CACNG2: variants seen among roughly 807,000 people sequenced by gnomAD.
CACNG2 encodes calcium voltage-gated channel auxiliary subunit gamma 2.
A neutral mutation model predicts 25.9 loss-of-function variants in CACNG2; 3 were observed. The ratio of observed to expected loss-of-function variants is 0.12; its 90% CI spans 0.05 to 0.30. The LOEUF (loss-of-function observed/expected upper bound fraction) is 0.30, where lower values mean the gene tolerates loss of function less well. Among genes scored for constraint, CACNG2 ranks in the 10% least tolerant of loss-of-function variants. The probability of loss-of-function intolerance (pLI) is 1.00; values close to 1 mark genes in which losing one functional copy is unlikely to be tolerated. For missense variants in CACNG2, 341 were observed against 432.5 expected (o/e 0.79, Z 1.88); for synonymous variants, 167 against 173.3 (o/e 0.96, Z 0.29).
chr22:36,626,120 A>G (rs1014846100), intron 1 of CACNG2, among the ~76,000 whole-genome samples: 4 of 152,156 alleles, frequency 2.6e-5, no homozygotes, highest in South Asian at 2.1e-4. Context: ...GGGTTTCACC[A>G]TGTTGGCCAG....
At chr22:36,568,961 C>G (rs1013264179) in intron 2 of CACNG2, among the ~76,000 whole-genome samples, 10 of 152,074 alleles carry the variant, frequency 6.6e-5, no homozygotes, top group Non-Finnish European at 1.3e-4. Context: ...TCCACAGACC[C>G]CAGGGAGGTG....
At chr22:36,679,133 T>G (rs904310704) in intron 1 of CACNG2, among the ~76,000 whole-genome samples, 1 of 149,104 alleles carries the variant, frequency 6.7e-6, no homozygotes, top group Admixed American at 6.7e-5. Flanking sequence ...TTTTGGATTT[T>G]CTCCCTTCCT....
At chr22:36,607,273 G>A (rs1466882119) in intron 1 of CACNG2, among the ~76,000 whole-genome samples, 1 of 151,908 alleles carries the variant, frequency 6.6e-6, no homozygotes, top group Non-Finnish European at 1.5e-5. Flanking sequence ...TTTGAGCCAG[G>A]GACTTGCTCT....
rs150495469 is a variant in CACNG2, at chr22:36,603,765, G to T, written c.212-16217C>A. Among the ~76,000 whole-genome samples, 1,191 of 152,272 alleles carry T rather than the reference G, an allele frequency of 7.8e-3. 6 individuals carry two copies. The highest frequency in any genetic ancestry group is 0.014 in the Middle Eastern group (4 of 294). ...CTGAATATTTTAAGCCCGCTATTAA[G>T]ATCTACTGCTCAGAAAGATTTCCAA... On this transcript the variant is annotated intron_variant, in intron 1 of 3. Transcript: ENST00000300105.
Position 36,606,548 on chromosome 22 carries a change from A to G in CACNG2, c.212-19000T>C, listed in dbSNP as rs951567762. ...CTGGGTAGTAGGGACAGTGCATGGCATAATCTGGGTACTGGCAGGTTGTCA... is the reference window on the plus strand; with the variant it reads ...CTGGGTAGTAGGGACAGTGCATGGCGTAATCTGGGTACTGGCAGGTTGTCA... On this transcript the variant is annotated intron_variant, in intron 1 of 3. Transcript: ENST00000300105. This position sits in a 1 kb window ranked among gnomAD's most constrained non-coding sequence, Gnocchi z 5.7. 2.6e-5 allele frequency among the ~76,000 whole-genome samples: 4 copies of G among 152,090 alleles called. No homozygotes were observed. Among genetic ancestry groups the G allele is most frequent in the Non-Finnish European group, 5.9e-5 (4 of 68,020 alleles).
At chr22:36,648,370 C>A (rs1936559871) in intron 1 of CACNG2, among the ~76,000 whole-genome samples, 1 of 152,212 alleles carries the variant, frequency 6.6e-6, no homozygotes, top group Admixed American at 6.5e-5. Flanking sequence ...TGAAATCACC[C>A]AGAATTCAAC....
At chr22:36,625,259 C>T (rs1224957758) in intron 1 of CACNG2, among the ~76,000 whole-genome samples, 1 of 152,120 alleles carries the variant, frequency 6.6e-6, no homozygotes, top group Non-Finnish European at 1.5e-5. Context: ...CTGGCTCTCC[C>T]ACTAACTTGC....
chr22:36,577,956 T>A (rs1186395548), intron 2 of CACNG2, among the ~76,000 whole-genome samples: 1 of 151,988 alleles, frequency 6.6e-6, no homozygotes, highest in Non-Finnish European at 1.5e-5. Context: ...TGGATAATGC[T>A]CCCAGGGTGC....
intron 1 of CACNG2, among the ~76,000 whole-genome samples, chr22:36,613,189 T>TGTGTGC (rs1569029670): frequency 2.0e-5 from 3 of 152,026 alleles, no homozygotes; most frequent in South Asian, 2.1e-4. Flanking sequence ...TGTGTGTGTG[T>TGTGTGC]GCATGTGTGT....
intron 2 of CACNG2, among the ~76,000 whole-genome samples, chr22:36,580,863 C>A (rs1935403572): frequency 6.6e-6 from 1 of 152,114 alleles, no homozygotes; most frequent in African/African-American, 2.4e-5. Context: ...TACACACACA[C>A]AACACACAGG....
chr22:36,577,511 G>A (rs539718112), intron 2 of CACNG2, among the ~76,000 whole-genome samples: 214 of 152,150 alleles, frequency 1.4e-3, no homozygotes, highest in African/African-American at 5.0e-3. Flanking sequence ...TGAGCCAGGC[G>A]TGGTGGCGCA....
intron 1 of CACNG2, among the ~76,000 whole-genome samples, chr22:36,664,510 A>G (rs2145987074): frequency 6.6e-6 from 1 of 152,304 alleles, no homozygotes; most frequent in East Asian, 1.9e-4. Flanking sequence ...AAGAGGATGG[A>G]CACCACCTAC....
intron 1 of CACNG2, among the ~76,000 whole-genome samples, chr22:36,623,338 A>G (rs1182488120): frequency 6.6e-6 from 1 of 152,066 alleles, no homozygotes; most frequent in Non-Finnish European, 1.5e-5. Flanking sequence ...TGGATTATTA[A>G]TGGAGGCATA....
intron 1 of CACNG2, among the ~76,000 whole-genome samples, chr22:36,631,910 G>A (rs553274667): frequency 2.0e-5 from 3 of 152,214 alleles, no homozygotes; most frequent in African/African-American, 7.2e-5. Flanking sequence ...GTGGAAAAAG[G>A]ACTCCAATGC....
intron 1 of CACNG2, among the ~76,000 whole-genome samples, chr22:36,650,625 C>G (rs1386308689): frequency 1.3e-5 from 2 of 152,196 alleles, no homozygotes; most frequent in Non-Finnish European, 2.9e-5. Flanking sequence ...AATCCTCCCA[C>G]CCTGGCCTCC....
chr22:36,646,490 T>C (rs955906491), intron 1 of CACNG2, among the ~76,000 whole-genome samples: 1 of 152,202 alleles, frequency 6.6e-6, no homozygotes, highest in African/African-American at 2.4e-5. Context: ...AAAAATTGAT[T>C]TGCAATCAGT....
chr22:36,607,471 G>A lies in CACNG2; in HGVS notation c.212-19923C>T, dbSNP rs553494434. The stretch of plus-strand genomic sequence containing the variant: ...GGGTTTCATCACGTTTCCCAGGCTG[G>A]GCTCAAGTGATTCTTTCACCTCTCA... On this transcript the variant is annotated intron_variant, in intron 1 of 3. Transcript: ENST00000300105. 5.3e-4 allele frequency among the ~76,000 whole-genome samples: 80 copies of A among 152,170 alleles called. 1 individual carries two copies. In the South Asian group the frequency reaches 0.016, roughly 30 times the overall value.
chr22:36,670,921 CTTTT>C (rs746898344), intron 1 of CACNG2, among the ~76,000 whole-genome samples: 2 of 132,892 alleles, frequency 1.5e-5, no homozygotes, highest in African/African-American at 2.7e-5. Flanking sequence ...AGTCTATATT[CTTTT>C]TTTTTTTTTT....
chr22:36,652,975 G>A (rs900535116), intron 1 of CACNG2, among the ~76,000 whole-genome samples: 31 of 152,256 alleles, frequency 2.0e-4, no homozygotes, highest in African/African-American at 7.2e-4. Context: ...TGTAGGCAAA[G>A]ACAGAGATGT....
Sources: allele counts gnomAD v4.1 joint callset (sites outside exome capture counted in the v4.1 genomes callset), GRCh38; gene constraint gnomAD v4.1.1; non-coding constraint Gnocchi (gnomAD v3.1); transcripts MANE v1.5; gene names NCBI Gene and HGNC (gene_info 2026-07-23, HGNC 2026-07-21).